Variants in SIL1 observed in about 807,000 individuals in gnomAD.
The protein encoded by SIL1 is nucleotide exchange factor SIL1.
SIL1 carries 40 observed loss-of-function variants against 49.1 expected under a neutral mutation model. The ratio of observed to expected loss-of-function variants is 0.81; its 90% CI spans 0.63 to 1.06. The LOEUF is 1.06. Among genes scored for constraint, SIL1 ranks in the 50% least tolerant of loss-of-function variants. The pLI is 0.00. For synonymous variants in SIL1, 253 were observed against 250.8 expected, an observed-to-expected ratio of 1.01 and a Z score of -0.08; for missense variants, 500 against 572.6, an observed-to-expected ratio of 0.87 and a Z score of 1.29.
At chr5:139,115,398 G>A (rs1581111424) in intron 3 of SIL1, among the ~76,000 whole-genome samples, 1 of 152,106 alleles carries the variant, frequency 6.6e-6, no homozygotes, top group Non-Finnish European at 1.5e-5. Context: ...CTTGGTTGGA[G>A]GTTCTAAATA....
Position 139,171,088 on chromosome 5 carries a change from C to T in SIL1, c.-11+27181G>A, listed in dbSNP as rs370220841. Among the ~76,000 whole-genome samples the T allele has an allele frequency of 1.1e-3, 157 of 142,948 alleles. 1 individual carries two copies. The East Asian group carries it at 0.028, about 26-fold the overall frequency. The allele number at this position is 142,948 out of a possible 152,430, so 93.8% of individuals were successfully genotyped here. ...TCCGGGAGGGAGGTGGGGGGGTCAG[C>T]CCCCTGCCCGGCCAGCCGCCCCGTC... is the stretch of plus-strand genomic sequence containing the variant. On this transcript the variant is annotated intron_variant, in intron 1 of 9. Transcript: ENST00000394817.
intron 1 of SIL1, among the ~76,000 whole-genome samples, chr5:139,168,260 A>T (rs1751663279): frequency 6.6e-6 from 1 of 152,210 alleles, no homozygotes; most frequent in African/African-American, 2.4e-5. Context: ...TTGTTAAGTG[A>T]AGTATGGCTG....
intron 3 of SIL1, among the ~76,000 whole-genome samples, chr5:139,070,008 A>T (rs1056309944): frequency 6.6e-6 from 1 of 152,200 alleles, no homozygotes; most frequent in South Asian, 2.1e-4. Flanking sequence ...CCAGACAATG[A>T]AAATAAGTAA....
At chr5:139,046,183 T>A (rs1461477554) in intron 4 of SIL1, among the ~76,000 whole-genome samples, 2 of 152,118 alleles carry the variant, frequency 1.3e-5, no homozygotes, top group African/African-American at 4.8e-5. Context: ...AAAAATTGGC[T>A]GGGTGTGGTG....
In SIL1 at chr5:139,002,225, T is replaced by C. The variant is rs1286853345; in HGVS notation, c.767+18946A>G. Among the ~76,000 whole-genome samples the C allele has an allele frequency of 4.0e-5, 6 of 148,282 alleles. No individual in the cohort carries two copies. The East Asian group carries it at 1.2e-3, about 29-fold the overall frequency. On this transcript the variant is annotated intron_variant, in intron 7 of 9. Coordinates refer to ENST00000394817, the MANE Select transcript of SIL1 (RefSeq NM_022464.5). ...GAACCTGTCTCAAAAAAAAAAAAAA[T>C]AGATATGATACACACCAAATTCAGA...
chr5:139,042,636 C>T lies in SIL1; in HGVS notation c.437G>A (p.Ser146Asn). ...ATCACACACCTTGTCTTCCTTTGAA[C>T]TCTCCATCTCTGCCCCCTCCTTGAA... ...AKFKEGAEME[S>N]SKEDKARQAE... Residue 146 changes from serine to asparagine, a missense_variant, in exon 5 of 10, where the codon AGT (serine) becomes AAT (asparagine). Physicochemically the swap from Ser to Asn is conservative, Grantham distance 46 (BLOSUM62 1). Coordinates refer to ENST00000394817, the MANE Select transcript of SIL1 (RefSeq NM_022464.5). 2 of 1,614,112 alleles carry T rather than the reference C, an allele frequency of 1.2e-6. No homozygotes were observed. Among genetic ancestry groups the T allele is most frequent in the Non-Finnish European group, 1.7e-6 (2 of 1,179,962 alleles).
At chr5:139,172,891 G>C (rs1181800555) in intron 1 of SIL1, among the ~76,000 whole-genome samples, 6 of 152,004 alleles carry the variant, frequency 3.9e-5, no homozygotes, top group Admixed American at 1.3e-4. Context: ...TCCAATTTTA[G>C]ATAATGCCTC....
intron 7 of SIL1, among the ~76,000 whole-genome samples, chr5:138,985,327 G>A (rs752683249): frequency 1.3e-5 from 2 of 152,148 alleles, no homozygotes; most frequent in African/African-American, 4.8e-5. Context: ...CCTGATTAGC[G>A]ATTCCACAGG....
intron 3 of SIL1, among the ~76,000 whole-genome samples, chr5:139,116,963 C>T (rs1771004020): frequency 6.6e-6 from 1 of 152,168 alleles, no homozygotes; most frequent in Non-Finnish European, 1.5e-5. Context: ...TTCTAAGCAA[C>T]CTGAGCAAGG....
intron 1 of SIL1, among the ~76,000 whole-genome samples, chr5:139,183,383 C>T (rs913254034): frequency 1.3e-5 from 2 of 152,306 alleles, no homozygotes; most frequent in South Asian, 4.1e-4. Context: ...TGAGCCTTCC[C>T]TCCATGTCCA....
intron 3 of SIL1, among the ~76,000 whole-genome samples, chr5:139,058,351 A>G (rs553304776): frequency 6.6e-6 from 1 of 152,144 alleles, no homozygotes; most frequent in African/African-American, 2.4e-5. Flanking sequence ...AAAAACACCA[A>G]ATTACCAAGA....
At chr5:138,995,811 A>G (rs1169327953) in intron 7 of SIL1, among the ~76,000 whole-genome samples, 1 of 152,134 alleles carries the variant, frequency 6.6e-6, no homozygotes, top group Non-Finnish European at 1.5e-5. Flanking sequence ...AGAACATGTG[A>G]TATTTGTCTT....
chr5:139,180,279 G>A (rs1406691509), intron 1 of SIL1, among the ~76,000 whole-genome samples: 3 of 149,224 alleles, frequency 2.0e-5, no homozygotes, highest in Non-Finnish European at 3.0e-5. Flanking sequence ...TACTTGGGAC[G>A]CTGAAGCAGG....
At chr5:139,038,514 A>G (rs746531079) in intron 5 of SIL1, among the ~76,000 whole-genome samples, 3 of 152,302 alleles carry the variant, frequency 2.0e-5, no homozygotes, top group East Asian at 3.9e-4. Context: ...TTCAGTTCCT[A>G]AACTTTTTGT....
chr5:139,106,628 A>G (rs1186645567), intron 3 of SIL1, among the ~76,000 whole-genome samples: 2 of 152,136 alleles, frequency 1.3e-5, no homozygotes, highest in Non-Finnish European at 2.9e-5. Context: ...AGAATGAAAG[A>G]CTCTATACTT....
At chr5:139,064,489 T>C (rs115652898) in intron 3 of SIL1, among the ~76,000 whole-genome samples, 1,868 of 152,270 alleles carry the variant, frequency 0.012, 40 homozygotes, top group African/African-American at 0.043. Context: ...CCACCTCCCA[T>C]TGGGGGAGCC....
intron 2 of SIL1, among the ~76,000 whole-genome samples, chr5:139,124,377 G>GT (rs1561871642): frequency 6.6e-6 from 1 of 152,136 alleles, no homozygotes; most frequent in Non-Finnish European, 1.5e-5. Flanking sequence ...TGTTCAAAAT[G>GT]TTTTTTGCAC....
At chr5:139,003,655 T>C (rs1010901337) in intron 7 of SIL1, among the ~76,000 whole-genome samples, 6 of 152,148 alleles carry the variant, frequency 3.9e-5, no homozygotes, top group Non-Finnish European at 8.8e-5. Flanking sequence ...GATGAGCATA[T>C]ATATTATCTG....
intron 7 of SIL1, among the ~76,000 whole-genome samples, chr5:139,018,646 G>A (rs1275002464): frequency 2.7e-5 from 4 of 148,902 alleles, no homozygotes; most frequent in South Asian, 2.1e-4. Context: ...GAATATAAGC[G>A]ACTTAACAGA....
Sources: allele counts gnomAD v4.1 joint callset (sites outside exome capture counted in the v4.1 genomes callset), GRCh38; gene constraint gnomAD v4.1.1; transcripts MANE v1.5; gene names NCBI Gene and HGNC (gene_info 2026-07-23, HGNC 2026-07-21).